Variants in LRRTM4 observed in about 807,000 individuals in gnomAD.
The protein encoded by LRRTM4 is leucine-rich repeat transmembrane neuronal protein 4.
LRRTM4 carries 25 observed loss-of-function variants against 47.6 expected under a neutral mutation model. The ratio of observed to expected loss-of-function variants is 0.53; its 90% CI spans 0.38 to 0.73. LRRTM4 has a LOEUF of 0.73. Ranked by LOEUF, LRRTM4 falls within the 30% of genes least tolerant of loss-of-function variation. LRRTM4 has a pLI of 0.00. For missense variants in LRRTM4, 638 were observed against 713.4 expected (o/e 0.89, Z 1.20); for synonymous variants, 311 against 269.5 (o/e 1.15, Z -1.51).
At chr2:76,795,397 A>T (rs1675226493) in intron 3 of LRRTM4, among the ~76,000 whole-genome samples, 1 of 152,188 alleles carries the variant, frequency 6.6e-6, no homozygotes, top group East Asian at 1.9e-4. Flanking sequence ...CAAAAAGTCT[A>T]TACTGAACAT....
chr2:77,031,048 A>T (rs549127621), intron 3 of LRRTM4, among the ~76,000 whole-genome samples: 2 of 152,216 alleles, frequency 1.3e-5, no homozygotes, highest in East Asian at 3.9e-4. Flanking sequence ...TTATTTTCTT[A>T]TATTTTAAAT....
At chr2:77,438,963 A>T (rs1675722298) in intron 3 of LRRTM4, among the ~76,000 whole-genome samples, 1 of 152,186 alleles carries the variant, frequency 6.6e-6, no homozygotes, top group African/African-American at 2.4e-5. Context: ...CTTAACAACA[A>T]AGGTAAACCA....
chr2:76,882,078 C>G (rs1312993332), intron 3 of LRRTM4, among the ~76,000 whole-genome samples: 1 of 152,144 alleles, frequency 6.6e-6, no homozygotes, highest in Admixed American at 6.5e-5. Context: ...CTCCATAACA[C>G]TTAGCATTTC....
At chr2:77,306,821 A>G (rs1677285622) in intron 3 of LRRTM4, among the ~76,000 whole-genome samples, 1 of 152,034 alleles carries the variant, frequency 6.6e-6, no homozygotes, top group African/African-American at 2.4e-5. Context: ...AATGTTTGCA[A>G]TCATTTAAAA....
chr2:77,075,517 T>C (rs756675183), intron 3 of LRRTM4, among the ~76,000 whole-genome samples: 1 of 152,198 alleles, frequency 6.6e-6, no homozygotes, highest in Admixed American at 6.5e-5. Flanking sequence ...GGATCCCTTT[T>C]GTAAACTTGG....
At chr2:76,998,768 TG>T (rs1451418208) in intron 3 of LRRTM4, among the ~76,000 whole-genome samples, 6 of 138,764 alleles carry the variant, frequency 4.3e-5, no homozygotes, top group Admixed American at 1.5e-4. Context: ...CTATATTTTC[TG>T]TTTTTTTTTT....
At position 77,241,300 on chromosome 2, in the gene LRRTM4, A is replaced by C. The variant is rs184355565; in HGVS notation, c.1551+277018T>G. 2.5e-3 allele frequency among the ~76,000 whole-genome samples: 386 copies of C among 152,122 alleles called. 2 individuals are homozygous for C. Among genetic ancestry groups the C allele is most frequent in the Non-Finnish European group, 2.3e-3 (153 of 67,924 alleles). On this transcript the variant is annotated intron_variant, in intron 3 of 3. Transcript: ENST00000409884. ...TGGTTGATTGGTTTGACGATCGCAC[A>C]AAGGTATTTGAATGGAAAGAGAACA...
At chr2:76,979,441 G>A (rs76039621) in intron 3 of LRRTM4, among the ~76,000 whole-genome samples, 3,253 of 149,734 alleles carry the variant, frequency 0.022, 112 homozygotes, top group East Asian at 0.14. Context: ...AGAAAAGTGA[G>A]TACAATGTAC....
Position 77,241,124 on chromosome 2 carries a change from G to T in LRRTM4, c.1551+277194C>A, listed in dbSNP as rs1010871467. On this transcript the variant is annotated intron_variant, in intron 3 of 3. Transcript: ENST00000409884. ...CAATTTTGAAAAATCAAAGAACAAA[G>T]TTGGAGGACTCAGATGACCTGATTT... Among the ~76,000 whole-genome samples, 4 of 151,716 alleles carry T rather than the reference G, an allele frequency of 2.6e-5. 1 individual carries two copies. In the Middle Eastern group the frequency reaches 0.01, roughly 387 times the overall value.
chr2:77,307,287 A>C (rs184508355), intron 3 of LRRTM4, among the ~76,000 whole-genome samples: 4 of 151,646 alleles, frequency 2.6e-5, no homozygotes, highest in African/African-American at 9.7e-5. Flanking sequence ...TTTTCTCTGA[A>C]ATGTGACTTA....
At chr2:76,909,932 G>A (rs1288263506) in intron 3 of LRRTM4, among the ~76,000 whole-genome samples, 1 of 152,214 alleles carries the variant, frequency 6.6e-6, no homozygotes. Context: ...GTGGAAGTCA[G>A]TGTGGTGATT....
intron 3 of LRRTM4, among the ~76,000 whole-genome samples, chr2:76,782,813 A>C (rs950836926): frequency 2.0e-5 from 3 of 152,216 alleles, no homozygotes; most frequent in Admixed American, 2.0e-4. Context: ...CAACTGTTTA[A>C]CACCTACAAG....
intron 3 of LRRTM4, among the ~76,000 whole-genome samples, chr2:77,169,334 C>T (rs1241261711): frequency 6.6e-6 from 1 of 152,058 alleles, no homozygotes. Flanking sequence ...AATGACTGAA[C>T]ATTTCTATTT....
chr2:77,014,503 C>CATATATATATATATGTATAT lies in LRRTM4; in HGVS notation c.1552-265588_1552-265587insATATACATATATATATATAT, dbSNP rs773267853. 5.0e-3 allele frequency among the ~76,000 whole-genome samples: 702 copies of CATATATATATATATGTATAT among 139,146 alleles called. 8 individuals are homozygous for CATATATATATATATGTATAT. Among genetic ancestry groups the CATATATATATATATGTATAT allele is most frequent in the African/African-American group, 0.017 (674 of 40,270 alleles). 91.3% of individuals were successfully genotyped at this position (139,146 alleles called of 152,430 possible). On this transcript the variant is annotated intron_variant, in intron 3 of 3. Transcript: ENST00000409884. Reference sequence around the variant, plus strand: ...TGCAGAAGAAGCATTTGTGCCCTTTCATATATATATATATAAAGATTTTAT... The same window carrying CATATATATATATATGTATAT: ...TGCAGAAGAAGCATTTGTGCCCTTTCATATATATATATATGTATATATATATATATATATAAAGATTTTAT...
intron 3 of LRRTM4, among the ~76,000 whole-genome samples, chr2:76,886,481 G>C (rs1436402554): frequency 6.6e-6 from 1 of 151,896 alleles, no homozygotes; most frequent in Non-Finnish European, 1.5e-5. Flanking sequence ...TTATAAAACT[G>C]TTCTATCCAA....
intron 3 of LRRTM4, among the ~76,000 whole-genome samples, chr2:76,971,142 A>C (rs896369995): frequency 6.6e-6 from 1 of 152,018 alleles, no homozygotes; most frequent in African/African-American, 2.4e-5. Flanking sequence ...TGCCACGAAC[A>C]AAGTCTTCCC....
chr2:77,516,900 A>G (rs1365454557), intron 3 of LRRTM4: 3 of 984,838 alleles, frequency 3.0e-6, no homozygotes, highest in Admixed American at 1.2e-4. Flanking sequence ...AGGACTATGG[A>G]AAAATTGGAG....
intron 3 of LRRTM4, among the ~76,000 whole-genome samples, chr2:77,480,352 C>G (rs1014079435): frequency 1.3e-5 from 2 of 152,150 alleles, no homozygotes; most frequent in African/African-American, 4.8e-5. Flanking sequence ...GGCATTCACT[C>G]TTCATTAGAA....
chr2:77,217,226 T>C (rs973718458), intron 3 of LRRTM4, among the ~76,000 whole-genome samples: 30 of 151,210 alleles, frequency 2.0e-4, no homozygotes. Context: ...TTTTATCCTT[T>C]TGTAGAGAGT....
Sources: allele counts gnomAD v4.1 joint callset (sites outside exome capture counted in the v4.1 genomes callset), GRCh38; gene constraint gnomAD v4.1.1; transcripts MANE v1.5; gene names NCBI Gene and HGNC (gene_info 2026-07-23, HGNC 2026-07-21).